IQSEC1: variants seen among roughly 807,000 people sequenced by gnomAD.
IQSEC1 encodes the protein IQ motif and Sec7 domain ArfGEF 1, also known as IQ motif and SEC7 domain-containing protein 1.
A neutral mutation model predicts 91.0 loss-of-function variants in IQSEC1; 31 were observed. The ratio of observed to expected loss-of-function variants is 0.34; its 90% CI spans 0.26 to 0.46. The LOEUF is 0.46. IQSEC1 is among the 20% of genes least tolerant of loss of function. The pLI is 1.00. For missense variants in IQSEC1, 1,388 were observed against 1,575.6 expected, an observed-to-expected ratio of 0.88 and a Z score of 2.02; for synonymous variants, 699 against 662.6, an observed-to-expected ratio of 1.05 and a Z score of -0.84.
chr3:13,071,709 C>T (rs1205510784), intron 1 of IQSEC1, among the ~76,000 whole-genome samples: 2 of 152,080 alleles, frequency 1.3e-5, no homozygotes, highest in Non-Finnish European at 2.9e-5. Context: ...CAGAGGCCAC[C>T]GTCATCCCTC....
rs369999833 is a variant in IQSEC1, at chr3:12,935,722, C to T, written c.1294G>A (p.Asp432Asn). The T allele has an allele frequency of 1.2e-6, 2 of 1,612,752 alleles. No individual in the cohort carries two copies. The highest frequency in any genetic ancestry group is 2.2e-5 in the South Asian group (2 of 91,078). The change falls in exon 3 of 14, where the codon GAC (aspartate) becomes AAC (asparagine). Residue 432 changes from aspartate to asparagine, a missense_variant. Asp to Asn is a conservative substitution (Grantham distance 23). This residue lies in a region of IQSEC1 where 1,059 missense variants were observed against 1,317.8 expected (regional missense o/e 0.80). Coordinates refer to ENST00000613206, the MANE Select transcript of IQSEC1 (RefSeq NM_001134382.3). The surrounding 1 kb of genome is among the most constrained non-coding windows in gnomAD (Gnocchi z 8.0). ...ELRPRPPRPL[D>N]SHLAINGSAN... ...GAGCCATTGATGGCCAAGTGGCTGT[C>T]CAGGGGCCTGGGGGGCCGGGGCCGC...
intron 1 of IQSEC1, among the ~76,000 whole-genome samples, chr3:13,220,185 G>A (rs1415473814): frequency 6.6e-6 from 1 of 152,250 alleles, no homozygotes; most frequent in Non-Finnish European, 1.5e-5. Flanking sequence ...GGCCGGCAGT[G>A]GCCGGGCCAG....
upstream of IQSEC1, among the ~76,000 whole-genome samples, chr3:13,077,300 A>G (rs1372649802): frequency 6.6e-6 from 1 of 152,228 alleles, no homozygotes; most frequent in Non-Finnish European, 1.5e-5. Flanking sequence ...AACATGACGA[A>G]TATGATGGAA....
intron 3 of IQSEC1, among the ~76,000 whole-genome samples, chr3:12,926,624 A>T (rs1324686062): frequency 6.6e-6 from 1 of 152,214 alleles, no homozygotes; most frequent in East Asian, 1.9e-4. Context: ...CGGCCAGGTC[A>T]TCCACTAATT....
intron 1 of IQSEC1, among the ~76,000 whole-genome samples, chr3:13,050,412 A>G (rs1189378535): frequency 2.0e-5 from 3 of 152,202 alleles, no homozygotes; most frequent in African/African-American, 7.2e-5. Context: ...CCCCGGGGAT[A>G]GCAATAACAG....
At position 13,276,080 on chromosome 3, in the gene IQSEC1, C is replaced by CTTTTT. The variant is rs796663192; in HGVS notation, c.272+6626_272+6630dup. Among the ~76,000 whole-genome samples the CTTTTT allele has an allele frequency of 2.6e-3, 205 of 79,548 alleles. 47 individuals carry two copies. The highest frequency in any genetic ancestry group is 0.011 in the East Asian group (21 of 1,904). The allele number at this position is 79,548 out of a possible 152,430, so 52.2% of individuals were successfully genotyped here. On this transcript the variant is annotated intron_variant, in intron 1 of 15. Coordinates refer to the IQSEC1 transcript ENST00000648114. Reference sequence around the variant, plus strand: ...AGGGAAAACAATCCTCAAAAGCATTCTTTTTTTTTTTTTTTTTTTTTTTTT... The same window carrying CTTTTT: ...AGGGAAAACAATCCTCAAAAGCATTCTTTTTTTTTTTTTTTTTTTTTTTTTTTTTT...
intron 2 of IQSEC1, among the ~76,000 whole-genome samples, chr3:13,143,464 C>T (rs141068870): frequency 9.1e-4 from 139 of 152,322 alleles, no homozygotes; most frequent in Non-Finnish European, 1.5e-3. Context: ...GCACAGAGGA[C>T]GCAGAGCCTT....
At chr3:13,055,100 G>T (rs1704827255) in intron 1 of IQSEC1, among the ~76,000 whole-genome samples, 1 of 152,248 alleles carries the variant, frequency 6.6e-6, no homozygotes, top group African/African-American at 2.4e-5. Flanking sequence ...CCTGCCTGCG[G>T]GCTTGGGGCC....
intron 1 of IQSEC1, among the ~76,000 whole-genome samples, chr3:12,959,608 A>T (rs1421111147): frequency 1.3e-5 from 2 of 152,192 alleles, no homozygotes; most frequent in South Asian, 4.1e-4. Context: ...AGTTGGGCCA[A>T]CAGAGCTAAG....
In IQSEC1 at chr3:12,978,413, A is replaced by C. The variant is rs528570190; in HGVS notation, c.24-36548T>G. Among the ~76,000 whole-genome samples, 223 of 152,284 alleles carry C rather than the reference A, an allele frequency of 1.5e-3. 3 individuals carry two copies. The highest frequency in any genetic ancestry group is 4.9e-4 in the Non-Finnish European group (33 of 68,022). On this transcript the variant is annotated intron_variant, in intron 1 of 13. Transcript: ENST00000613206. ...CCTGCAGCAGTTTAAGAATCTTTGC[A>C]CAGGGCCGGGCGCGGTGGCTCACAC...
At position 13,259,632 on chromosome 3, in the gene IQSEC1, T is replaced by C. The variant is rs373268207; in HGVS notation, c.272+23079A>G. Among the ~76,000 whole-genome samples, 43 of 152,362 alleles carry C rather than the reference T, an allele frequency of 2.8e-4. 3 individuals are homozygous for C. Among genetic ancestry groups the C allele is most frequent in the South Asian group, 1.2e-3 (6 of 4,824 alleles). On this transcript the variant is annotated intron_variant, in intron 1 of 15. Transcript: ENST00000648114. The surrounding 1 kb of genome is among the most constrained non-coding windows in gnomAD (Gnocchi z 4.6). ...GATGATTGCAGAAGACCCACTAGGC[T>C]GTTCGTTGCCATTCAAAACCAGCAG...
chr3:13,053,588 A>G (rs1032019472), intron 1 of IQSEC1, among the ~76,000 whole-genome samples: 4 of 152,192 alleles, frequency 2.6e-5, no homozygotes, highest in Non-Finnish European at 5.9e-5. Flanking sequence ...GAGTCGGCTC[A>G]CAGCCCCAGC....
At chr3:13,252,217 C>T (rs1695206906) in intron 1 of IQSEC1, among the ~76,000 whole-genome samples, 1 of 152,152 alleles carries the variant, frequency 6.6e-6, no homozygotes, top group Non-Finnish European at 1.5e-5. Context: ...TCCCCTCAGC[C>T]CCTGGCGTCC....
intron 1 of IQSEC1, among the ~76,000 whole-genome samples, chr3:13,251,990 C>T (rs1576311034): frequency 6.6e-6 from 1 of 152,232 alleles, no homozygotes; most frequent in Admixed American, 6.5e-5. Context: ...GAGCCCAGTG[C>T]TCACTATGCC....
intron 1 of IQSEC1, among the ~76,000 whole-genome samples, chr3:12,980,421 C>T (rs1207370403): frequency 6.6e-6 from 1 of 152,242 alleles, no homozygotes; most frequent in Admixed American, 6.5e-5. Flanking sequence ...CCATGATGAG[C>T]ATCCCTCATG....
At chr3:13,060,291 G>A (rs360762) in intron 1 of IQSEC1, among the ~76,000 whole-genome samples, 58,772 of 152,044 alleles carry the variant, frequency 0.39, 12,189 homozygotes, top group East Asian at 0.66. Context: ...ATGCAAAGAG[G>A]AGGCAGATGT....
At chr3:12,998,350 C>CA (rs986508719) in intron 1 of IQSEC1, among the ~76,000 whole-genome samples, 43 of 150,988 alleles carry the variant, frequency 2.8e-4, no homozygotes, top group Middle Eastern at 3.4e-3. Context: ...GACCCTGTCT[C>CA]AAAAAAAACA....
intron 1 of IQSEC1, among the ~76,000 whole-genome samples, chr3:12,950,978 C>T (rs1699505947): frequency 6.6e-6 from 1 of 152,178 alleles, no homozygotes; most frequent in Non-Finnish European, 1.5e-5. Context: ...GGAGCAGTGT[C>T]TCTTGCCTGT....
intron 10 of IQSEC1, among the ~76,000 whole-genome samples, chr3:12,910,036 GCTC>G (rs1314895493): frequency 1.3e-5 from 2 of 152,228 alleles, no homozygotes; most frequent in African/African-American, 2.4e-5. Context: ...GCTGCAGAGT[GCTC>G]CTGTGTGCAT....
Sources: allele counts gnomAD v4.1 joint callset (sites outside exome capture counted in the v4.1 genomes callset), GRCh38; gene constraint gnomAD v4.1.1; regional missense constraint gnomAD v4.1.1; non-coding constraint Gnocchi (gnomAD v3.1); transcripts MANE v1.5; gene names NCBI Gene and HGNC (gene_info 2026-07-23, HGNC 2026-07-21).